CEACAM7: variants seen among roughly 807,000 people sequenced by gnomAD.
The protein encoded by CEACAM7 is CEA cell adhesion molecule 7.
A neutral mutation model predicts 25.7 loss-of-function variants in CEACAM7; 24 were observed. The observed-to-expected ratio is 0.93, with a 90% CI of 0.68 to 1.31. The LOEUF (loss-of-function observed/expected upper bound fraction) is 1.31, where lower values mean the gene tolerates loss of function less well. CEACAM7 is among the 40% of genes most tolerant of loss of function. The pLI is 0.00. For missense variants in CEACAM7, 324 were observed against 330.1 expected, an observed-to-expected ratio of 0.98 and a Z score of 0.14; for synonymous variants, 144 against 129.4, an observed-to-expected ratio of 1.11 and a Z score of -0.77.
rs376992706 is a variant in CEACAM7, at chr19:41,681,783, A to G, written c.706+2002T>C. On this transcript the variant is annotated intron_variant, in intron 3 of 4. Coordinates refer to ENST00000401731, the MANE Select transcript of CEACAM7 (RefSeq NM_001291485.2). ...GTACTTATTAATAAAATAGTCAATT[A>G]CAGACAGACAGAAAGTAGAATGATG... Among the ~76,000 whole-genome samples, 17 of 152,324 alleles carry G rather than the reference A, an allele frequency of 1.1e-4. No homozygotes were observed. In the South Asian group the frequency reaches 3.5e-3, roughly 32 times the overall value.
chr19:41,676,697 C>T (rs1293020870), intron 4 of CEACAM7, among the ~76,000 whole-genome samples: 5 of 152,152 alleles, frequency 3.3e-5, no homozygotes, highest in Admixed American at 2.6e-4. Flanking sequence ...CGTCTTTGTC[C>T]TCCACAAGGA....
At chr19:41,680,441 G>A (rs2072163422) in intron 3 of CEACAM7, among the ~76,000 whole-genome samples, 1 of 151,946 alleles carries the variant, frequency 6.6e-6, no homozygotes, top group Admixed American at 6.6e-5. Context: ...AGAGTCTCAG[G>A]ACTCTAAATA....
intron 3 of CEACAM7, among the ~76,000 whole-genome samples, chr19:41,683,314 G>A (rs1043817347): frequency 3.9e-5 from 6 of 152,192 alleles, no homozygotes; most frequent in African/African-American, 1.4e-4. Flanking sequence ...GTGGGTTAGA[G>A]GCCACATGGA....
intron 3 of CEACAM7, among the ~76,000 whole-genome samples, chr19:41,681,138 T>C (rs2072170990): frequency 6.6e-6 from 1 of 152,162 alleles, no homozygotes; most frequent in Admixed American, 6.5e-5. Flanking sequence ...CCAAGGAAGA[T>C]ATGCAAATGG....
At position 41,674,466 on chromosome 19, in the gene CEACAM7, A is replaced by T. The variant is rs1168528680; in HGVS notation, c.*310T>A. ...AATGGAGTGGGATAAGAGCCTCGTC[A>T]CGATGAGGCTTGGGACATCTTGGGA... On this transcript the variant is annotated 3_prime_UTR_variant, in exon 5 of 5. Transcript: ENST00000401731. The T allele has an allele frequency of 6.3e-6, 1 of 157,752 alleles. No homozygotes were observed. Among genetic ancestry groups the T allele is most frequent in the African/African-American group, 2.4e-5 (1 of 41,534 alleles). The allele number at this position is 157,752 out of a possible 1,614,324, so 9.8% of individuals were successfully genotyped here. A position where few individuals can be genotyped will look rare whatever the true frequency, so the allele number is the denominator to read the frequency against.
chr19:41,683,709 G>A, intron 3 of CEACAM7, 76 bp downstream of exon 3: 1 of 1,570,722 alleles, frequency 6.4e-7, no homozygotes, highest in South Asian at 1.2e-5. Flanking sequence ...GACCTGAGAG[G>A]GACTAAGAGG....
Position 41,687,186 on chromosome 19 carries a change from C to T in CEACAM7, c.100G>A (p.Ala34Thr), listed in dbSNP as rs782756014. Residue 34 changes from alanine to threonine, a missense_variant, in exon 2 of 5, where the codon GCC (alanine) becomes ACC (threonine). By Grantham distance (58) the Ala-to-Thr change is moderately conservative. Coordinates refer to ENST00000401731, the MANE Select transcript of CEACAM7 (RefSeq NM_001291485.2). Reference protein sequence around the residue: ...LLTFWNLPNSAQTNIDVVPFN... With the variant: ...LLTFWNLPNSTQTNIDVVPFN... Reference sequence around the variant, plus strand: ...GGCACGACATCAATATTGGTCTGGGCACTGTTTGGCAGGTTCCAGAAGGTT... The same window carrying T: ...GGCACGACATCAATATTGGTCTGGGTACTGTTTGGCAGGTTCCAGAAGGTT... 21 of 1,610,746 alleles carry T rather than the reference C, an allele frequency of 1.3e-5. No individual in the cohort carries two copies. Among genetic ancestry groups the T allele is most frequent in the African/African-American group, 1.3e-5 (1 of 74,770 alleles).
At chr19:41,685,182 G>A (rs1555811092) in intron 2 of CEACAM7, among the ~76,000 whole-genome samples, 1 of 152,202 alleles carries the variant, frequency 6.6e-6, no homozygotes, top group East Asian at 1.9e-4. Context: ...CATGGGCTTT[G>A]GGGACTGCAC....
rs1383213103 is a variant in CEACAM7 at position 41,674,305 on chromosome 19, G to T, written c.*471C>A. ...ACTGGGCAGAATAAAGGATCCCTTA[G>T]GTCAAATATTTGGGTTTGACATGAT... On this transcript the variant is annotated 3_prime_UTR_variant, in exon 5 of 5. Coordinates refer to ENST00000401731, the MANE Select transcript of CEACAM7 (RefSeq NM_001291485.2). The T allele has an allele frequency of 2.0e-5, 3 of 152,870 alleles. No individual in the cohort carries two copies. The highest frequency in any genetic ancestry group is 4.4e-5 in the Non-Finnish European group (3 of 68,506). 9.5% of individuals were successfully genotyped at this position (152,870 alleles called of 1,614,324 possible). A position where few individuals can be genotyped will look rare whatever the true frequency, so the allele number is the denominator to read the frequency against.
At chr19:41,686,314 G>T (rs2122733089) in intron 2 of CEACAM7, among the ~76,000 whole-genome samples, 1 of 152,292 alleles carries the variant, frequency 6.6e-6, no homozygotes, top group South Asian at 2.1e-4. Context: ...CTCTGTCCTT[G>T]CCCAGATGAG....
intron 2 of CEACAM7, among the ~76,000 whole-genome samples, chr19:41,684,338 C>G (rs369246927): frequency 4.6e-5 from 7 of 152,346 alleles, no homozygotes; most frequent in African/African-American, 1.7e-4. Context: ...TCAATCACAG[C>G]CACTGGTGCC....
intron 3 of CEACAM7, among the ~76,000 whole-genome samples, chr19:41,681,879 G>A (rs2072178955): frequency 6.6e-6 from 1 of 152,184 alleles, no homozygotes; most frequent in South Asian, 2.1e-4. Context: ...AGCATGGTGA[G>A]TTGAAAAAGT....
In CEACAM7 at chr19:41,677,500, T is replaced by A. The variant is rs1555810246; in HGVS notation, c.710A>T (p.Glu237Val). 5 of 1,611,142 alleles carry A rather than the reference T, an allele frequency of 3.1e-6. No individual in the cohort carries two copies. The highest frequency in any genetic ancestry group is 4.2e-6 in the Non-Finnish European group (5 of 1,177,392). ...GTCAGGTGAACTTGCTTGTACTGAC[T>A]CATCTGCCATGGAAAGAAAAGAGAA... ...SDPVTLNVRY[E>V]SVQASSPDLS... Residue 237 changes from glutamate to valine, a missense_variant, in exon 4 of 5, where the codon GAG becomes GTG. Glu to Val is a moderately radical substitution (Grantham distance 121). Transcript: ENST00000401731.
chr19:41,676,518 A>C (rs1249705505), intron 4 of CEACAM7, among the ~76,000 whole-genome samples: 1 of 152,086 alleles, frequency 6.6e-6, no homozygotes, highest in Admixed American at 6.5e-5. Flanking sequence ...GAGCCAATGC[A>C]CCTGGCCCTT....
intron 3 of CEACAM7, among the ~76,000 whole-genome samples, chr19:41,683,015 G>C (rs1340617725): frequency 6.6e-6 from 1 of 152,194 alleles, no homozygotes; most frequent in Non-Finnish European, 1.5e-5. Flanking sequence ...GGGTTCAGCG[G>C]GGAGAATTTG....
chr19:41,684,340 A>C (rs1172770628), intron 2 of CEACAM7, among the ~76,000 whole-genome samples: 1 of 152,206 alleles, frequency 6.6e-6, no homozygotes, highest in Admixed American at 6.5e-5. Context: ...AATCACAGCC[A>C]CTGGTGCCTC....
chr19:41,679,587 A>G (rs1162878196), intron 3 of CEACAM7, among the ~76,000 whole-genome samples: 1 of 150,980 alleles, frequency 6.6e-6, no homozygotes, highest in Non-Finnish European at 1.5e-5. Context: ...AGTAGGCAAG[A>G]AGAAAGAAAA....
chr19:41,684,332 T>G (rs192452489), intron 2 of CEACAM7, among the ~76,000 whole-genome samples: 2,915 of 152,242 alleles, frequency 0.019, 56 homozygotes, highest in African/African-American at 0.062. Flanking sequence ...GGACCATCAA[T>G]CACAGCCACT....
At chr19:41,687,492 G>C (rs1369405099) in intron 1 of CEACAM7, among the ~76,000 whole-genome samples, 1 of 152,216 alleles carries the variant, frequency 6.6e-6, no homozygotes, top group African/African-American at 2.4e-5. Context: ...ATCCTTGGGA[G>C]ACCCCTTCCC....
Sources: gnomAD v4.1 joint callset for allele counts (sites outside exome capture counted in the v4.1 genomes callset) on GRCh38, gnomAD v4.1.1 for gene constraint, MANE v1.5 for transcripts, NCBI Gene and HGNC (gene_info 2026-07-23, HGNC 2026-07-21) for gene names.